SDK1: variants seen among roughly 807,000 people sequenced by gnomAD.
The protein encoded by SDK1 is protein sidekick-1.
A neutral mutation model predicts 245.5 loss-of-function variants in SDK1; 157 were observed. That is an observed-to-expected ratio of 0.64 (90% CI 0.56 to 0.73). The LOEUF (loss-of-function observed/expected upper bound fraction) is 0.73, where lower values mean the gene tolerates loss of function less well. Ranked by LOEUF, SDK1 falls within the 30% of genes least tolerant of loss-of-function variation. The pLI is 0.00. For synonymous variants in SDK1, 1,647 were observed against 1,278.5 expected, an observed-to-expected ratio of 1.29 and a Z score of -6.15; for missense variants, 3,583 against 3,002.3, an observed-to-expected ratio of 1.19 and a Z score of -4.52.
At chr7:3,650,184 G>A (rs562429127) in intron 4 of SDK1, among the ~76,000 whole-genome samples, 1 of 152,224 alleles carries the variant, frequency 6.6e-6, no homozygotes, top group East Asian at 1.9e-4. Flanking sequence ...CAGAGCGCTG[G>A]GAGTACAGGT....
chr7:3,394,464 A>C (rs1035829528), intron 1 of SDK1, among the ~76,000 whole-genome samples: 2 of 151,126 alleles, frequency 1.3e-5, no homozygotes, highest in Non-Finnish European at 3.0e-5. Context: ...TTTAGAAAAG[A>C]CCTCCAGTTT....
intron 4 of SDK1, among the ~76,000 whole-genome samples, chr7:3,786,423 A>G (rs547854020): frequency 3.9e-5 from 6 of 152,326 alleles, no homozygotes; most frequent in East Asian, 1.9e-4. Context: ...CTTAAAAAAC[A>G]TACCAGATAG....
chr7:3,405,814 CTTTTTT>C (rs534692477), intron 1 of SDK1, among the ~76,000 whole-genome samples: 1 of 125,392 alleles, frequency 8.0e-6, no homozygotes, highest in Admixed American at 8.0e-5. Flanking sequence ...TTCTTTCTTT[CTTTTTT>C]TTTTTTTTTT....
At chr7:3,861,929 G>T (rs1289140272) in intron 5 of SDK1, among the ~76,000 whole-genome samples, 1 of 152,172 alleles carries the variant, frequency 6.6e-6, no homozygotes, top group Non-Finnish European at 1.5e-5. Flanking sequence ...GCACTCCGGA[G>T]CTCCTACACA....
chr7:3,809,014 G>C (rs955779255), intron 4 of SDK1, among the ~76,000 whole-genome samples: 1 of 152,098 alleles, frequency 6.6e-6, no homozygotes, highest in African/African-American at 2.4e-5. Flanking sequence ...GGCTGTTCTT[G>C]CATTGTTATA....
intron 5 of SDK1, among the ~76,000 whole-genome samples, chr7:3,939,381 C>A (rs1339295863): frequency 6.6e-6 from 1 of 152,234 alleles, no homozygotes; most frequent in East Asian, 1.9e-4. Context: ...AAACCAGCTT[C>A]CCACGTCCAG....
chr7:4,186,951 T>C (rs1048546599), intron 35 of SDK1, among the ~76,000 whole-genome samples: 4 of 152,174 alleles, frequency 2.6e-5, no homozygotes, highest in Non-Finnish European at 4.4e-5. Flanking sequence ...CCCTGGCATC[T>C]GTAGCCTCCT....
intron 4 of SDK1, among the ~76,000 whole-genome samples, chr7:3,642,452 A>G (rs1782681773): frequency 6.6e-6 from 1 of 152,108 alleles, no homozygotes; most frequent in Non-Finnish European, 1.5e-5. Context: ...TAATTTAATG[A>G]GTGCTGGTAT....
chr7:3,454,312 G>A (rs1780607513), intron 1 of SDK1, among the ~76,000 whole-genome samples: 1 of 151,596 alleles, frequency 6.6e-6, no homozygotes, highest in African/African-American at 2.4e-5. Context: ...TCATTTTAAT[G>A]TTACGTTTTT....
intron 1 of SDK1, among the ~76,000 whole-genome samples, chr7:3,484,580 C>A (rs1781618821): frequency 6.6e-6 from 1 of 152,182 alleles, no homozygotes; most frequent in East Asian, 1.9e-4. Flanking sequence ...GGTCTCCTGC[C>A]AGTGCTGTTG....
chr7:3,659,869 C>G (rs888710407), intron 4 of SDK1, among the ~76,000 whole-genome samples: 1 of 152,188 alleles, frequency 6.6e-6, no homozygotes, highest in East Asian at 1.9e-4. Context: ...GTAGAATCCA[C>G]AGGGCCAAAA....
intron 4 of SDK1, among the ~76,000 whole-genome samples, chr7:3,799,519 A>C (rs1024013673): frequency 6.6e-6 from 1 of 151,844 alleles, no homozygotes; most frequent in Non-Finnish European, 1.5e-5. Context: ...CCTGGCTAAC[A>C]TGGTGAAACC....
chr7:3,949,298 A>T (rs1290164740), intron 5 of SDK1, among the ~76,000 whole-genome samples: 1 of 152,228 alleles, frequency 6.6e-6, no homozygotes. Context: ...TGTCTGCATC[A>T]GGCTTCTGTT....
At position 3,703,900 on chromosome 7, in the gene SDK1, T is replaced by C. The variant is rs530690078; in HGVS notation, c.713+61795T>C. Among the ~76,000 whole-genome samples the C allele has an allele frequency of 1.3e-4, 20 of 152,358 alleles. No individual in the cohort carries two copies. The South Asian group carries it at 4.1e-3, about 32-fold the overall frequency. ...TATTTTATTTCTGCACATTTTACTT[T>C]TGTTTTTCATCTTTTTATTTCAATA... On this transcript the variant is annotated intron_variant, in intron 4 of 44. Transcript: ENST00000404826.
At chr7:3,725,055 T>G (rs1347620666) in intron 4 of SDK1, among the ~76,000 whole-genome samples, 1 of 152,254 alleles carries the variant, frequency 6.6e-6, no homozygotes, top group Non-Finnish European at 1.5e-5. Context: ...TGATTCAATG[T>G]GAATGGGCCT....
chr7:4,068,714 TTTTATTTA>T (rs3066355), intron 20 of SDK1, among the ~76,000 whole-genome samples: 2 of 149,534 alleles, frequency 1.3e-5, no homozygotes, highest in South Asian at 2.1e-4. Context: ...TTTTTAATGA[TTTTATTTA>T]TTTATTTATT....
At chr7:3,531,629 A>G (rs1783347471) in intron 1 of SDK1, among the ~76,000 whole-genome samples, 1 of 152,204 alleles carries the variant, frequency 6.6e-6, no homozygotes, top group Non-Finnish European at 1.5e-5. Context: ...ATTATTTGCT[A>G]TCAGCCATAC....
intron 4 of SDK1, among the ~76,000 whole-genome samples, chr7:3,721,715 C>T (rs1778810809): frequency 6.6e-6 from 1 of 152,084 alleles, no homozygotes; most frequent in South Asian, 2.1e-4. Flanking sequence ...GAATAATGAT[C>T]TGTTCCCAGG....
At chr7:3,520,998 G>T (rs1437747286) in intron 1 of SDK1, among the ~76,000 whole-genome samples, 1 of 152,184 alleles carries the variant, frequency 6.6e-6, no homozygotes. Context: ...AAATCAAGGT[G>T]CTGGTAGGGC....
Sources: gnomAD v4.1 joint callset for allele counts (sites outside exome capture counted in the v4.1 genomes callset) on GRCh38, gnomAD v4.1.1 for gene constraint, MANE v1.5 for transcripts, NCBI Gene and HGNC (gene_info 2026-07-23, HGNC 2026-07-21) for gene names.